ERC1: variants seen among roughly 807,000 people sequenced by gnomAD.
The protein encoded by ERC1 is RAB6 interacting protein 2.
ERC1 carries 56 observed loss-of-function variants against 132.0 expected under a neutral mutation model. That is an observed-to-expected ratio of 0.42 (90% CI 0.34 to 0.53). The LOEUF (loss-of-function observed/expected upper bound fraction) is 0.53, where lower values mean the gene tolerates loss of function less well. ERC1 is among the 20% of genes least tolerant of loss of function. The probability of loss-of-function intolerance (pLI) is 0.03; values close to 1 mark genes in which losing one functional copy is unlikely to be tolerated. For missense variants in ERC1, 1,202 were observed against 1,349.9 expected (o/e 0.89, Z 1.72); for synonymous variants, 478 against 476.1 (o/e 1.00, Z -0.05).
chr12:1,426,101 G>T (rs1295784561), intron 17 of ERC1, among the ~76,000 whole-genome samples: 4 of 146,318 alleles, frequency 2.7e-5, no homozygotes, highest in Non-Finnish European at 6.0e-5. Context: ...GGAGTTTTTA[G>T]ATTTTTTTTT....
chr12:1,127,012 A>AAAAAAAAAAAAAC (rs1566033121), intron 7 of ERC1, among the ~76,000 whole-genome samples: 1 of 149,392 alleles, frequency 6.7e-6, no homozygotes, highest in Non-Finnish European at 1.5e-5. Context: ...AAAAAAAAAA[A>AAAAAAAAAAAAAC]ACCTCAAAAA....
intron 1 of ERC1, among the ~76,000 whole-genome samples, chr12:1,006,245 CTG>C: frequency 6.6e-6 from 1 of 152,156 alleles, no homozygotes; most frequent in Non-Finnish European, 1.5e-5. Context: ...GCATGAACCA[CTG>C]CACCTGGCCA....
At chr12:1,009,746 C>CT (rs1462515535) in intron 1 of ERC1, among the ~76,000 whole-genome samples, 3 of 151,972 alleles carry the variant, frequency 2.0e-5, no homozygotes, top group Admixed American at 6.6e-5. Context: ...AATTCAGAAA[C>CT]TTTAAAATAT....
chr12:1,276,762 G>T (rs1173711823), intron 14 of ERC1, among the ~76,000 whole-genome samples: 2 of 152,122 alleles, frequency 1.3e-5, no homozygotes, highest in African/African-American at 4.8e-5. Context: ...TATTTACTAA[G>T]TAATTAAATT....
intron 13 of ERC1, among the ~76,000 whole-genome samples, chr12:1,252,035 A>T (rs2076501348): frequency 6.6e-6 from 1 of 152,090 alleles, no homozygotes; most frequent in East Asian, 1.9e-4. Context: ...CATATTTACG[A>T]GGTACACATG....
intron 16 of ERC1, among the ~76,000 whole-genome samples, chr12:1,388,047 G>T (rs1466570927): frequency 6.6e-6 from 1 of 152,158 alleles, no homozygotes; most frequent in Non-Finnish European, 1.5e-5. Flanking sequence ...TTGGAGAAAG[G>T]AGAATACTAA....
chr12:1,181,658 C>G (rs537423978), intron 9 of ERC1, among the ~76,000 whole-genome samples: 5 of 151,702 alleles, frequency 3.3e-5, no homozygotes, highest in Admixed American at 3.3e-4. Context: ...ATTAGCCAGG[C>G]GTGGTGGCAT....
rs1426201201 is a variant in ERC1 at position 1,141,761 on chromosome 12, C to G, written c.1711C>G (p.Arg571Gly). Residue 571 changes from arginine (R) to glycine (G), a missense_variant, in exon 8 of 19, where the codon CGG becomes GGG. Transcript: ENST00000360905. ...DLKDMLDVKE[R>G]KVNVLQKKIE... is the part of the protein sequence containing the mutation. ...CAAGGACATGTTGGATGTGAAGGAG[C>G]GGAAGGTTAATGTTCTTCAGAAGAA... 7 of 1,606,340 alleles carry G rather than the reference C, an allele frequency of 4.4e-6. No homozygotes were observed. The highest frequency in any genetic ancestry group is 6.0e-6 in the Non-Finnish European group (7 of 1,176,230).
intron 17 of ERC1, among the ~76,000 whole-genome samples, chr12:1,439,961 G>A (rs1442626321): frequency 1.3e-5 from 2 of 152,132 alleles, no homozygotes; most frequent in Non-Finnish European, 2.9e-5. Flanking sequence ...GTTCCGAGAG[G>A]CTTAAGTAGT....
intron 14 of ERC1, among the ~76,000 whole-genome samples, chr12:1,277,667 C>G (rs2078368079): frequency 6.6e-6 from 1 of 151,618 alleles, no homozygotes. Context: ...TTCTGTCTTA[C>G]AAAAAAAATA....
intron 3 of ERC1, among the ~76,000 whole-genome samples, chr12:1,092,660 G>A (rs528986579): frequency 8.5e-4 from 130 of 152,266 alleles, no homozygotes; most frequent in African/African-American, 3.0e-3. Flanking sequence ...CTTGCAATCA[G>A]TATTAAGTAA....
intron 16 of ERC1, among the ~76,000 whole-genome samples, chr12:1,400,990 C>G (rs796344116): frequency 8.7e-6 from 1 of 114,522 alleles, no homozygotes; most frequent in African/African-American, 3.3e-5. Context: ...GGCTGGAGTG[C>G]AGTGGCGTGA....
intron 15 of ERC1, among the ~76,000 whole-genome samples, chr12:1,311,343 G>T (rs914936322): frequency 1.3e-5 from 2 of 152,272 alleles, no homozygotes; most frequent in East Asian, 3.9e-4. Context: ...ATCAATGTTT[G>T]TTTTTGTCAA....
chr12:1,455,763 A>C (rs1308384530), intron 18 of ERC1, among the ~76,000 whole-genome samples: 1 of 152,184 alleles, frequency 6.6e-6, no homozygotes, highest in Non-Finnish European at 1.5e-5. Context: ...ACCGTTTTTC[A>C]TTTTCAAAAT....
intron 18 of ERC1, 111 bp downstream of exon 18, chr12:1,444,861 T>C (rs2093260487): frequency 2.2e-6 from 2 of 913,844 alleles, no homozygotes; most frequent in Non-Finnish European, 3.3e-6. Context: ...GTTGATGCAG[T>C]GGGGGCTACC....
intron 7 of ERC1, among the ~76,000 whole-genome samples, chr12:1,137,714 A>G (rs1949396062): frequency 1.3e-5 from 2 of 151,582 alleles, no homozygotes; most frequent in South Asian, 2.1e-4. Flanking sequence ...TTAGCTGGGC[A>G]TGGTGGCATG....
At chr12:1,205,134 A>C (rs1957241012) in intron 12 of ERC1, among the ~76,000 whole-genome samples, 2 of 152,282 alleles carry the variant, frequency 1.3e-5, no homozygotes, top group African/African-American at 4.8e-5. Context: ...TTGATTTTTT[A>C]GTTGAAAAAG....
At chr12:1,435,378 G>A (rs762591425) in intron 17 of ERC1, among the ~76,000 whole-genome samples, 56 of 152,202 alleles carry the variant, frequency 3.7e-4, no homozygotes, top group Middle Eastern at 3.4e-3. Flanking sequence ...ACAAACCAAA[G>A]CTGCTAGGGT....
At chr12:1,355,615 A>G (rs897735443) in intron 15 of ERC1, among the ~76,000 whole-genome samples, 5 of 152,194 alleles carry the variant, frequency 3.3e-5, no homozygotes, top group Admixed American at 2.0e-4. Context: ...CCTAGAGAAT[A>G]GCTATGTATG....
Sources: allele counts gnomAD v4.1 joint callset (sites outside exome capture counted in the v4.1 genomes callset), GRCh38; gene constraint gnomAD v4.1.1; transcripts MANE v1.5; gene names NCBI Gene and HGNC (gene_info 2026-07-23, HGNC 2026-07-21).